The following LUZP2 variants were observed in gnomAD, a reference collection of about 807,000 sequenced individuals.
LUZP2 encodes the protein leucine zipper protein 2.
In LUZP2, 52 loss-of-function variants were observed where a neutral mutation model predicts 51.6. That is an observed-to-expected ratio of 1.01 (90% CI 0.81 to 1.27). LUZP2 has a LOEUF of 1.27. Ranked by LOEUF, LUZP2 falls within the 50% of genes most tolerant of loss-of-function variation. The pLI is 0.00. For synonymous variants in LUZP2, 154 were observed against 137.3 expected (o/e 1.12, Z -0.85); for missense variants, 436 against 395.4 (o/e 1.10, Z -0.87).
chr11:24,642,824 G>T (rs1469707240), intron 1 of LUZP2, among the ~76,000 whole-genome samples: 1 of 152,040 alleles, frequency 6.6e-6, no homozygotes, highest in Non-Finnish European at 1.5e-5. Flanking sequence ...TTACTAAGAG[G>T]ATATATCAGG....
At chr11:24,643,821 A>G (rs1328737737) in intron 1 of LUZP2, among the ~76,000 whole-genome samples, 1 of 152,184 alleles carries the variant, frequency 6.6e-6, no homozygotes, top group Non-Finnish European at 1.5e-5. Flanking sequence ...TTCTTCATAA[A>G]GACTTCCAGT....
At chr11:24,683,291 A>G (rs1856803791) in intron 1 of LUZP2, among the ~76,000 whole-genome samples, 1 of 152,204 alleles carries the variant, frequency 6.6e-6, no homozygotes, top group Admixed American at 6.5e-5. Flanking sequence ...TTAAAGGATT[A>G]TTTTGGAGTT....
At chr11:24,856,949 G>A (rs1354756342) in intron 5 of LUZP2, among the ~76,000 whole-genome samples, 2 of 151,990 alleles carry the variant, frequency 1.3e-5, no homozygotes, top group Non-Finnish European at 2.9e-5. Flanking sequence ...GTGGGAGGGT[G>A]AGAAGGGGTT....
At chr11:24,527,484 T>G (rs1299108757) in intron 1 of LUZP2, among the ~76,000 whole-genome samples, 1 of 151,054 alleles carries the variant, frequency 6.6e-6, no homozygotes, top group African/African-American at 2.4e-5. Flanking sequence ...TTTTAAATAT[T>G]TCAGGCCATA....
intron 5 of LUZP2, among the ~76,000 whole-genome samples, chr11:24,826,318 T>C (rs972729829): frequency 2.0e-5 from 3 of 151,016 alleles, no homozygotes; most frequent in African/African-American, 7.3e-5. Context: ...ATCTTGACTA[T>C]GATATGGTAG....
intron 1 of LUZP2, among the ~76,000 whole-genome samples, chr11:24,671,862 A>C (rs2134003308): frequency 6.6e-6 from 1 of 152,290 alleles, no homozygotes; most frequent in East Asian, 1.9e-4. Flanking sequence ...GTACGGGATA[A>C]ATATTTTAAT....
At chr11:24,588,284 A>G (rs998829220) in intron 1 of LUZP2, among the ~76,000 whole-genome samples, 1 of 152,116 alleles carries the variant, frequency 6.6e-6, no homozygotes, top group African/African-American at 2.4e-5. Flanking sequence ...TTAAAGAAGT[A>G]AATGAGAGCC....
At chr11:25,030,735 A>G (rs1857621368) in intron 9 of LUZP2, among the ~76,000 whole-genome samples, 1 of 149,934 alleles carries the variant, frequency 6.7e-6, no homozygotes, top group Non-Finnish European at 1.5e-5. Flanking sequence ...AGATATGACT[A>G]TGTATTTACC....
Position 25,082,080 on chromosome 11 carries a change from A to T in LUZP2, c.*3422A>T, listed in dbSNP as rs1859472828. ...GTCTATCCAATGCCAAAATGCTCAG[A>T]AGAAAAGTGAATAATTCAGTCATTC... is the stretch of plus-strand genomic sequence containing the variant. On this transcript the variant is annotated 3_prime_UTR_variant, in exon 12 of 12. Coordinates refer to ENST00000336930, the MANE Select transcript of LUZP2 (RefSeq NM_001009909.4). 6.6e-6 allele frequency: 1 copy of T among 152,544 alleles called. No homozygotes were observed. The highest frequency in any genetic ancestry group is 2.4e-5 in the African/African-American group (1 of 41,448). 9.4% of individuals were successfully genotyped at this position (152,544 alleles called of 1,614,324 possible).
chr11:25,039,702 G>A (rs544173233), intron 9 of LUZP2, among the ~76,000 whole-genome samples: 21 of 152,298 alleles, frequency 1.4e-4, no homozygotes, highest in Middle Eastern at 3.4e-3. Context: ...AAAGTGAGAT[G>A]AGTAGTCCCC....
chr11:24,663,238 T>C (rs1856081654), intron 1 of LUZP2, among the ~76,000 whole-genome samples: 1 of 151,992 alleles, frequency 6.6e-6, no homozygotes, highest in Non-Finnish European at 1.5e-5. Context: ...ATTTTCCCCT[T>C]GATGTTCTTG....
At chr11:24,707,672 A>G (rs1193388188) in intron 1 of LUZP2, among the ~76,000 whole-genome samples, 2 of 152,168 alleles carry the variant, frequency 1.3e-5, no homozygotes, top group African/African-American at 4.8e-5. Flanking sequence ...CAGCTCAAAA[A>G]AAGAGAGTGA....
intron 1 of LUZP2, among the ~76,000 whole-genome samples, chr11:24,528,975 C>A (rs1173957919): frequency 6.6e-6 from 1 of 150,956 alleles, no homozygotes; most frequent in Non-Finnish European, 1.5e-5. Context: ...CCAAATTAAG[C>A]TTCAAAACAT....
intron 10 of LUZP2, among the ~76,000 whole-genome samples, chr11:25,056,973 G>A (rs1337048396): frequency 6.6e-6 from 1 of 152,026 alleles, no homozygotes; most frequent in East Asian, 1.9e-4. Flanking sequence ...GGTGGCAGGC[G>A]CCTGTAATCC....
At chr11:24,839,370 T>G (rs914181826) in intron 5 of LUZP2, among the ~76,000 whole-genome samples, 1 of 151,716 alleles carries the variant, frequency 6.6e-6, no homozygotes, top group Non-Finnish European at 1.5e-5. Flanking sequence ...TTCTATTTTT[T>G]AAATCATTTT....
intron 1 of LUZP2, among the ~76,000 whole-genome samples, chr11:24,647,632 A>G (rs1310607513): frequency 6.6e-6 from 1 of 151,948 alleles, no homozygotes; most frequent in African/African-American, 2.4e-5. Context: ...CACTTTGGGT[A>G]TATGGTTTAT....
intron 5 of LUZP2, chr11:24,785,950 C>A: frequency 1.0e-6 from 1 of 985,288 alleles, no homozygotes; most frequent in Non-Finnish European, 1.2e-6. Context: ...CAAGCAGTCA[C>A]CAAATGTAAT....
chr11:24,808,135 C>G (rs1590566102), intron 5 of LUZP2, among the ~76,000 whole-genome samples: 1 of 152,130 alleles, frequency 6.6e-6, no homozygotes, highest in Non-Finnish European at 1.5e-5. Context: ...CTTTCACTTA[C>G]AAGATTACTT....
rs569378311 is a variant in LUZP2 at position 24,999,400 on chromosome 11, A to T, written c.765+16107A>T. 3.4e-3 allele frequency among the ~76,000 whole-genome samples: 438 copies of T among 127,206 alleles called. 3 individuals carry two copies. The highest frequency in any genetic ancestry group is 0.012 in the African/African-American group (413 of 34,622). The allele number at this position is 127,206 out of a possible 152,430, so 83.5% of individuals were successfully genotyped here. On this transcript the variant is annotated intron_variant, in intron 9 of 11. Coordinates refer to ENST00000336930, the MANE Select transcript of LUZP2 (RefSeq NM_001009909.4). ...GAGGAGGAGCAGGAAGATGGGGAGG[A>T]GGAGGAAGGAGAAGAAGAAGGAGGA...
Sources: allele counts gnomAD v4.1 joint callset (sites outside exome capture counted in the v4.1 genomes callset), GRCh38; gene constraint gnomAD v4.1.1; transcripts MANE v1.5; gene names NCBI Gene and HGNC (gene_info 2026-07-23, HGNC 2026-07-21).